Variants in OLA1 observed in about 807,000 individuals in gnomAD.
OLA1 encodes the protein Obg like ATPase 1, also known as obg-like ATPase 1.
In OLA1, 14 loss-of-function variants were observed where a neutral mutation model predicts 48.4. The ratio of observed to expected loss-of-function variants is 0.29; its 90% CI spans 0.19 to 0.45. OLA1 has a LOEUF of 0.45. OLA1 is among the 20% of genes least tolerant of loss of function. OLA1 has a pLI of 1.00. For missense variants in OLA1, 325 were observed against 467.1 expected, an observed-to-expected ratio of 0.70 and a Z score of 2.80; for synonymous variants, 127 against 150.4, an observed-to-expected ratio of 0.84 and a Z score of 1.14.
chr2:174,213,816 T>A (rs1688300379), intron 4 of OLA1, among the ~76,000 whole-genome samples: 1 of 152,146 alleles, frequency 6.6e-6, no homozygotes, highest in South Asian at 2.1e-4. Flanking sequence ...ATCATAAAAG[T>A]TTTTTAAAAA....
intron 9 of OLA1, chr2:174,080,944 T>G: frequency 3.9e-6 from 2 of 515,628 alleles, no homozygotes; most frequent in Middle Eastern, 4.9e-4. Flanking sequence ...GACTATGTAA[T>G]AGGCAGAATC....
intron 5 of OLA1, among the ~76,000 whole-genome samples, chr2:174,128,272 T>C (rs1686091541): frequency 6.6e-6 from 1 of 151,512 alleles, no homozygotes; most frequent in Non-Finnish European, 1.5e-5. Flanking sequence ...TGGTGGTGTG[T>C]GTCTGTAGTT....
At chr2:174,215,405 C>G (rs1278270387) in intron 4 of OLA1, among the ~76,000 whole-genome samples, 1 of 152,112 alleles carries the variant, frequency 6.6e-6, no homozygotes, top group Admixed American at 6.5e-5. Context: ...TTCAGTTCAT[C>G]CTTGAACTTA....
chr2:174,121,078 T>A (rs1466428037), intron 7 of OLA1, among the ~76,000 whole-genome samples: 1 of 152,206 alleles, frequency 6.6e-6, no homozygotes, highest in East Asian at 1.9e-4. Flanking sequence ...GTAGTTAAAA[T>A]GGATTTTAAC....
At chr2:174,245,771 G>A (rs1689114246) in intron 2 of OLA1, among the ~76,000 whole-genome samples, 3 of 151,788 alleles carry the variant, frequency 2.0e-5, no homozygotes, top group Admixed American at 2.0e-4. Context: ...GCACATGCCT[G>A]TAATCCCAGC....
intron 10 of OLA1, 134 bp from the exon 11 acceptor site, chr2:174,075,661 G>T: frequency 1.7e-6 from 1 of 598,436 alleles, no homozygotes; most frequent in Non-Finnish European, 2.9e-6. Context: ...ATATAGGAAG[G>T]CATACAAGTT....
At position 174,074,573 on chromosome 2, in the gene OLA1, A is replaced by T. The variant is rs1181069250; in HGVS notation, c.*853T>A. On this transcript the variant is annotated 3_prime_UTR_variant, in exon 11 of 11. Coordinates refer to ENST00000284719, the MANE Select transcript of OLA1 (RefSeq NM_013341.5). ...ACTTTTATACACATTGCTGAATTGA[A>T]GCAAAACATAACCCACCAGACATCA... 2 of 152,242 alleles carry T rather than the reference A, an allele frequency of 1.3e-5. No homozygotes were observed. Among genetic ancestry groups the T allele is most frequent in the Non-Finnish European group, 1.5e-5 (1 of 68,044 alleles). The allele number at this position is 152,242 out of a possible 1,614,324, so 9.4% of individuals were successfully genotyped here.
chr2:174,238,357 G>A (rs1050895661), intron 2 of OLA1, among the ~76,000 whole-genome samples: 2 of 151,928 alleles, frequency 1.3e-5, no homozygotes, highest in Admixed American at 1.3e-4. Flanking sequence ...ATTACCTGGT[G>A]GTGGCGCATG....
intron 4 of OLA1, among the ~76,000 whole-genome samples, chr2:174,203,981 G>C (rs983632802): frequency 6.6e-6 from 1 of 151,572 alleles, no homozygotes; most frequent in Non-Finnish European, 1.5e-5. Flanking sequence ...TTTTAGTAGA[G>C]ACGAGGTCTC....
intron 10 of OLA1, among the ~76,000 whole-genome samples, chr2:174,078,060 C>T (rs542445773): frequency 6.6e-6 from 1 of 152,058 alleles, no homozygotes; most frequent in Admixed American, 6.6e-5. Flanking sequence ...CCAAGATTTT[C>T]CCCCTCCTCT....
intron 2 of OLA1, among the ~76,000 whole-genome samples, chr2:174,241,359 A>G (rs574958964): frequency 6.6e-6 from 1 of 152,336 alleles, no homozygotes; most frequent in South Asian, 2.1e-4. Context: ...CTACACATCA[A>G]CAGATAACTA....
At position 174,072,845 on chromosome 2, in the gene OLA1, A is replaced by G. The variant is rs1277081237; in HGVS notation, c.*2581T>C. On this transcript the variant is annotated 3_prime_UTR_variant, in exon 11 of 11. Coordinates refer to ENST00000284719, the MANE Select transcript of OLA1 (RefSeq NM_013341.5). ...TTCACTCATAACTAAGTTAGCGACA[A>G]AAACTATTTGTGCTTCCTTGGGAGA... The G allele has an allele frequency of 6.6e-6, 1 of 152,268 alleles. No individual in the cohort carries two copies. 9.4% of individuals were successfully genotyped at this position (152,268 alleles called of 1,614,324 possible). A position where few individuals can be genotyped will look rare whatever the true frequency, so the allele number is the denominator to read the frequency against.
chr2:174,209,656 A>G (rs921411730), intron 4 of OLA1, among the ~76,000 whole-genome samples: 19 of 152,200 alleles, frequency 1.2e-4, no homozygotes, highest in African/African-American at 4.3e-4. Flanking sequence ...GTAGCTGCAT[A>G]CAGTAGAAAC....
chr2:174,240,980 C>T (rs1688986722), intron 2 of OLA1, among the ~76,000 whole-genome samples: 1 of 152,176 alleles, frequency 6.6e-6, no homozygotes, highest in Non-Finnish European at 1.5e-5. Context: ...CCCCTCTCCC[C>T]ATGTCTCTGG....
chr2:174,233,213 C>T (rs1401049430), intron 2 of OLA1, among the ~76,000 whole-genome samples: 1 of 151,914 alleles, frequency 6.6e-6, no homozygotes, highest in Non-Finnish European at 1.5e-5. Flanking sequence ...ATGGTGGTTT[C>T]CAGGGGCTGG....
intron 4 of OLA1, among the ~76,000 whole-genome samples, chr2:174,205,274 T>G (rs1402324831): frequency 2.0e-5 from 3 of 152,120 alleles, no homozygotes; most frequent in Non-Finnish European, 4.4e-5. Flanking sequence ...GAATTCAGCC[T>G]ATATATACAA....
chr2:174,081,819 T>C, intron 8 of OLA1, 105 bp downstream of exon 8: 2 of 1,078,422 alleles, frequency 1.9e-6, no homozygotes, highest in Non-Finnish European at 2.7e-6. Context: ...TCCCTCTTTA[T>C]AATGGTAATT....
intron 4 of OLA1, among the ~76,000 whole-genome samples, chr2:174,156,646 G>A (rs1482992597): frequency 7.1e-6 from 1 of 140,210 alleles, no homozygotes; most frequent in Non-Finnish European, 1.5e-5. Context: ...GTGCAGTGGC[G>A]CCATCTTGGC....
intron 7 of OLA1, among the ~76,000 whole-genome samples, chr2:174,088,765 C>A (rs1285717737): frequency 6.6e-6 from 1 of 152,044 alleles, no homozygotes; most frequent in Non-Finnish European, 1.5e-5. Context: ...AATCCCAGCA[C>A]TTTGGGAGGC....
Sources: allele counts gnomAD v4.1 joint callset (sites outside exome capture counted in the v4.1 genomes callset), GRCh38; gene constraint gnomAD v4.1.1; transcripts MANE v1.5; gene names NCBI Gene and HGNC (gene_info 2026-07-23, HGNC 2026-07-21).